TENM3: variants seen among roughly 807,000 people sequenced by gnomAD.
The protein encoded by TENM3 is teneurin-3.
TENM3 carries 63 observed loss-of-function variants against 255.1 expected under a neutral mutation model. The observed-to-expected ratio is 0.25, with a 90% CI of 0.20 to 0.30. The LOEUF is 0.30. Among genes scored for constraint, TENM3 ranks in the 10% least tolerant of loss-of-function variants. The pLI is 1.00. For missense variants in TENM3, 2,929 were observed against 3,461.1 expected (o/e 0.85, Z 3.86); for synonymous variants, 1,306 against 1,322.3 (o/e 0.99, Z 0.27).
chr4:181,905,585 C>G, the TENM3 span, among the ~76,000 whole-genome samples: 1 of 145,990 alleles, frequency 6.8e-6, no homozygotes, highest in Admixed American at 6.9e-5. Flanking sequence ...TTTACATGAA[C>G]TACTATGAAA....
chr4:182,053,105 C>T, the TENM3 span, among the ~76,000 whole-genome samples: 1 of 152,100 alleles, frequency 6.6e-6, no homozygotes. Context: ...AAGTGAGTGC[C>T]ACCTCTCCTG....
At chr4:181,500,969 A>C in the TENM3 span, among the ~76,000 whole-genome samples, 1 of 152,222 alleles carries the variant, frequency 6.6e-6, no homozygotes, top group African/African-American at 2.4e-5. Flanking sequence ...CCCACCTGTC[A>C]GTACCCCTAA....
At chr4:181,963,738 A>G in the TENM3 span, among the ~76,000 whole-genome samples, 4 of 152,224 alleles carry the variant, frequency 2.6e-5, no homozygotes, top group Non-Finnish European at 5.9e-5. Context: ...CGCAAAGATG[A>G]AAGGCTTGGT....
At chr4:182,082,211 C>T in the TENM3 span, among the ~76,000 whole-genome samples, 3 of 152,146 alleles carry the variant, frequency 2.0e-5, no homozygotes, top group African/African-American at 7.2e-5. Flanking sequence ...TGGTGAGGGC[C>T]TGCTTTCTTG....
chr4:182,109,083 T>A, the TENM3 span, among the ~76,000 whole-genome samples: 1 of 151,382 alleles, frequency 6.6e-6, no homozygotes, highest in Non-Finnish European at 1.5e-5. Context: ...AATTTGGCAA[T>A]GGTTACACTA....
At chr4:182,542,892 C>T (rs1247699930) in intron 3 of TENM3, among the ~76,000 whole-genome samples, 1 of 152,144 alleles carries the variant, frequency 6.6e-6, no homozygotes, top group East Asian at 1.9e-4. Flanking sequence ...GCTGTTGAAT[C>T]CTCACAACAA....
chr4:182,762,231 A>G (rs1763257929), intron 22 of TENM3, among the ~76,000 whole-genome samples: 1 of 152,222 alleles, frequency 6.6e-6, no homozygotes, highest in Admixed American at 6.5e-5. Flanking sequence ...TTGGCAAGTC[A>G]ATATTCCGGA....
At chr4:181,605,262 G>T in the TENM3 span, among the ~76,000 whole-genome samples, 1 of 151,568 alleles carries the variant, frequency 6.6e-6, no homozygotes, top group Non-Finnish European at 1.5e-5. Context: ...TGGCTAACAT[G>T]GTGAAACCCC....
At chr4:181,985,241 C>T in the TENM3 span, among the ~76,000 whole-genome samples, 1 of 151,562 alleles carries the variant, frequency 6.6e-6, no homozygotes, top group Non-Finnish European at 1.5e-5. Context: ...TTTAAAATTC[C>T]ATGTCCCCAG....
the TENM3 span, among the ~76,000 whole-genome samples, chr4:181,947,124 T>A: frequency 1.3e-5 from 2 of 152,188 alleles, no homozygotes; most frequent in African/African-American, 4.8e-5. Context: ...GTTTACTCAG[T>A]GCCTACTGTG....
the TENM3 span, among the ~76,000 whole-genome samples, chr4:182,062,350 C>T: frequency 2.6e-5 from 4 of 152,116 alleles, no homozygotes; most frequent in East Asian, 3.9e-4. Context: ...CAGTAGCATC[C>T]GTGTCAAAAT....
chr4:182,719,252 C>CTTTTTTTTT lies in TENM3; in HGVS notation c.2368+5038_2368+5046dup, dbSNP rs11348241. ...AGTAAAATAGAGTTCTTTTTTTTTT[C>CTTTTTTTTT]TTTTTTTTTTTTTTTTTTTTTTTTT... is the stretch of plus-strand genomic sequence containing the variant. On this transcript the variant is annotated intron_variant, in intron 13 of 27. Transcript: ENST00000511685. Among the ~76,000 whole-genome samples, 107 of 80,880 alleles carry CTTTTTTTTT rather than the reference C, an allele frequency of 1.3e-3. 1 individual carries two copies. The highest frequency in any genetic ancestry group is 1.5e-3 in the Non-Finnish European group (70 of 46,486). 53.1% of individuals were successfully genotyped at this position (80,880 alleles called of 152,430 possible).
the TENM3 span, among the ~76,000 whole-genome samples, chr4:181,447,749 G>A: frequency 6.6e-6 from 1 of 152,098 alleles, no homozygotes; most frequent in African/African-American, 2.4e-5. Context: ...TTCCGGAGCG[G>A]CTTCCTAGGA....
At chr4:181,492,280 C>T in the TENM3 span, among the ~76,000 whole-genome samples, 1 of 152,168 alleles carries the variant, frequency 6.6e-6, no homozygotes, top group Non-Finnish European at 1.5e-5. Context: ...AAGCTCAATA[C>T]TGCTTCTCTT....
chr4:181,955,614 G>A, the TENM3 span, among the ~76,000 whole-genome samples: 1 of 152,146 alleles, frequency 6.6e-6, no homozygotes, highest in Non-Finnish European at 1.5e-5. Context: ...TGTGGGGAGG[G>A]GAGGAACAAG....
chr4:182,162,673 C>T (rs1423448034), intron 1 of TENM3, among the ~76,000 whole-genome samples: 1 of 152,138 alleles, frequency 6.6e-6, no homozygotes, highest in Non-Finnish European at 1.5e-5. Flanking sequence ...AAGGTGCTGG[C>T]AGACTCAGTG....
intron 1 of TENM3, among the ~76,000 whole-genome samples, chr4:182,234,663 C>T (rs1756785574): frequency 6.6e-6 from 1 of 151,874 alleles, no homozygotes; most frequent in African/African-American, 2.4e-5. Context: ...ACCTAGGAGG[C>T]GGAGGTTGCA....
chr4:181,977,300 G>A, the TENM3 span, among the ~76,000 whole-genome samples: 2 of 152,172 alleles, frequency 1.3e-5, no homozygotes, highest in Non-Finnish European at 2.9e-5. Context: ...CACAGCAAAC[G>A]CTACATTATT....
At chr4:181,908,311 A>T in the TENM3 span, among the ~76,000 whole-genome samples, 2 of 152,186 alleles carry the variant, frequency 1.3e-5, no homozygotes, top group Non-Finnish European at 2.9e-5. Flanking sequence ...TTCTGTCCTC[A>T]GTCTGGCAGC....
Sources: gnomAD v4.1 joint callset for allele counts (sites outside exome capture counted in the v4.1 genomes callset) on GRCh38, gnomAD v4.1.1 for gene constraint, MANE v1.5 for transcripts, NCBI Gene and HGNC (gene_info 2026-07-23, HGNC 2026-07-21) for gene names.